Variants in SIK3 observed in about 807,000 individuals in gnomAD.
SIK3 encodes the protein serine/threonine-protein kinase SIK3.
SIK3 carries 28 observed loss-of-function variants against 144.2 expected under a neutral mutation model. The ratio of observed to expected loss-of-function variants is 0.19; its 90% CI spans 0.14 to 0.27. The LOEUF (loss-of-function observed/expected upper bound fraction) is 0.27, where lower values mean the gene tolerates loss of function less well. SIK3 is among the 10% of genes least tolerant of loss of function. The probability of loss-of-function intolerance (pLI) is 1.00; values close to 1 mark genes in which losing one functional copy is unlikely to be tolerated. For missense variants in SIK3, 1,319 were observed against 1,776.0 expected, an observed-to-expected ratio of 0.74 and a Z score of 4.62; for synonymous variants, 686 against 676.3, an observed-to-expected ratio of 1.01 and a Z score of -0.22.
chr11:117,014,659 T>G (rs1408308873), intron 1 of SIK3, among the ~76,000 whole-genome samples: 2 of 152,232 alleles, frequency 1.3e-5, no homozygotes, highest in African/African-American at 4.8e-5. Context: ...CAAATAAGAT[T>G]TGTATATATT....
chr11:116,858,486 C>T lies in SIK3; in HGVS notation c.2979G>A (p.Ser993=), dbSNP rs376833279. The change falls in exon 21 of 25, where the codon TCG becomes TCA. Residue 993 remains serine (S), a synonymous_variant. Coordinates refer to ENST00000445177, the MANE Select transcript of SIK3 (RefSeq NM_001366686.3). This position sits in a 1 kb window ranked among gnomAD's most constrained non-coding sequence, Gnocchi z 5.4. ...AHQQPPHYTT[S]ALQQALLSPT... The stretch of plus-strand genomic sequence containing the variant: ...GAGACAGCAGGGCCTGCTGTAGTGC[C>T]GACGTGGTATAGTGTGGCGGCTGCT... 1.0e-4 allele frequency: 167 copies of T among 1,607,244 alleles called. 1 individual carries two copies. Among genetic ancestry groups the T allele is most frequent in the East Asian group, 3.1e-4 (14 of 44,804 alleles).
intron 4 of SIK3, among the ~76,000 whole-genome samples, chr11:116,904,588 T>C (rs939075073): frequency 9.2e-5 from 14 of 152,348 alleles, no homozygotes; most frequent in Non-Finnish European, 1.3e-4. Flanking sequence ...TCCACTCATT[T>C]ACTGCTTTTA....
chr11:116,873,376 G>C, intron 13 of SIK3, 105 bp downstream of exon 13: 1 of 1,480,524 alleles, frequency 6.8e-7, no homozygotes, highest in East Asian at 2.3e-5. Context: ...TGGAGAAAAA[G>C]GAAATTCAGA....
chr11:117,023,058 C>T (rs1951841746), intron 1 of SIK3, among the ~76,000 whole-genome samples: 1 of 152,232 alleles, frequency 6.6e-6, no homozygotes, highest in South Asian at 2.1e-4. Context: ...TTGTAGAAAA[C>T]ACAAATGACA....
chr11:116,941,618 GT>G (rs1405018374), intron 3 of SIK3, among the ~76,000 whole-genome samples: 1 of 152,188 alleles, frequency 6.6e-6, no homozygotes, highest in Non-Finnish European at 1.5e-5. Flanking sequence ...GAATGGCTTT[GT>G]GAGAAGTTCA....
At chr11:116,850,154 T>C (rs757883419) in intron 21 of SIK3, among the ~76,000 whole-genome samples, 8 of 152,230 alleles carry the variant, frequency 5.3e-5, no homozygotes, top group Non-Finnish European at 8.8e-5. Context: ...GCCAATCTCA[T>C]GGAAACCTGA....
chr11:116,937,466 C>T (rs944685385), intron 3 of SIK3, among the ~76,000 whole-genome samples: 3 of 152,146 alleles, frequency 2.0e-5, no homozygotes, highest in Admixed American at 6.5e-5. Context: ...CAGTAGATTA[C>T]GGTACATAAT....
intron 1 of SIK3, among the ~76,000 whole-genome samples, chr11:117,083,938 T>A (rs1220848743): frequency 6.6e-6 from 1 of 152,190 alleles, no homozygotes; most frequent in Non-Finnish European, 1.5e-5. Flanking sequence ...TACCACTGAC[T>A]CATTACCAAA....
At chr11:116,947,138 T>A (rs982443984) in intron 3 of SIK3, among the ~76,000 whole-genome samples, 53 of 136,196 alleles carry the variant, frequency 3.9e-4, no homozygotes, top group African/African-American at 1.2e-3. Context: ...ATATATAAAT[T>A]ATTATTTATA....
chr11:117,063,434 A>G (rs1159981643), intron 1 of SIK3, among the ~76,000 whole-genome samples: 1 of 152,190 alleles, frequency 6.6e-6, no homozygotes, highest in Non-Finnish European at 1.5e-5. Context: ...ATGTAAAGTC[A>G]GCTGCCAGGC....
At chr11:117,006,603 A>T (rs1951056422) in intron 1 of SIK3, among the ~76,000 whole-genome samples, 1 of 152,166 alleles carries the variant, frequency 6.6e-6, no homozygotes. Context: ...TTGCAAACCC[A>T]AACAAACAAC....
chr11:117,052,951 T>C (rs181538268), intron 1 of SIK3, among the ~76,000 whole-genome samples: 1 of 152,218 alleles, frequency 6.6e-6, no homozygotes, highest in Admixed American at 6.5e-5. Flanking sequence ...GATTGTTTAC[T>C]GGGTCCCACT....
At chr11:116,932,084 T>C (rs1347248584) in intron 3 of SIK3, among the ~76,000 whole-genome samples, 2 of 152,180 alleles carry the variant, frequency 1.3e-5, no homozygotes, top group Non-Finnish European at 2.9e-5. Flanking sequence ...ATCCTATCCA[T>C]CAGCAAATTC....
intron 1 of SIK3, among the ~76,000 whole-genome samples, chr11:116,963,719 T>C (rs1949428557): frequency 6.6e-6 from 1 of 152,230 alleles, no homozygotes; most frequent in African/African-American, 2.4e-5. Flanking sequence ...AATAGTACCA[T>C]GTTTGGGAGA....
At chr11:116,857,663 C>T in intron 21 of SIK3, 147 bp downstream of exon 21, 2 of 1,383,846 alleles carry the variant, frequency 1.4e-6, no homozygotes, top group Non-Finnish European at 9.5e-7. Flanking sequence ...TACCCACTTC[C>T]TACATGCTTC....
At chr11:116,988,127 T>G (rs1374491511) in intron 1 of SIK3, among the ~76,000 whole-genome samples, 1 of 152,182 alleles carries the variant, frequency 6.6e-6, no homozygotes, top group African/African-American at 2.4e-5. Flanking sequence ...AAAAATGCAG[T>G]AACGCCTGTA....
intron 14 of SIK3, among the ~76,000 whole-genome samples, chr11:116,868,447 C>G (rs1414228150): frequency 6.6e-6 from 1 of 152,190 alleles, no homozygotes; most frequent in African/African-American, 2.4e-5. Flanking sequence ...TTCCAAAATA[C>G]AAGTCAGAGG....
chr11:116,947,184 A>ATATATAATATATAAATTATTTATATATT (rs1303411228), intron 3 of SIK3, among the ~76,000 whole-genome samples: 1 of 121,590 alleles, frequency 8.2e-6, no homozygotes, highest in African/African-American at 3.7e-5. Flanking sequence ...ATTTATATAT[A>ATATATAATATATAAATTATTTATATATT]ATATATTATA....
rs192901737 is a variant in SIK3, at chr11:116,847,559, A to G, written c.3869T>C (p.Leu1290Pro). ...TGCATCCGACATCCGGGCAGAGCTAAGTGCTTTCCCAGCCACGAGACTCAT... is the reference window on the plus strand; with the variant it reads ...TGCATCCGACATCCGGGCAGAGCTAGGTGCTTTCCCAGCCACGAGACTCAT... ...PGMSLVAGKA[L>P]SSARMSDAVL... The change falls in exon 23 of 25, where the codon CTT (leucine) becomes CCT (proline). Residue 1290 changes from leucine to proline, a missense_variant. Physicochemically the swap from Leu to Pro is moderately conservative, Grantham distance 98 (BLOSUM62 -3). Around this residue, in one of 8 missense-constraint regions of SIK3, gnomAD observed 646 missense variants for 763.7 expected, o/e 0.85. Coordinates refer to ENST00000445177, the MANE Select transcript of SIK3 (RefSeq NM_001366686.3). The G allele has an allele frequency of 6.2e-7, 1 of 1,614,210 alleles. No homozygotes were observed. Among genetic ancestry groups the G allele is most frequent in the Non-Finnish European group, 8.5e-7 (1 of 1,180,036 alleles).
Sources: gnomAD v4.1 joint callset for allele counts (sites outside exome capture counted in the v4.1 genomes callset) on GRCh38, gnomAD v4.1.1 for gene constraint, gnomAD v4.1.1 regional missense constraint, Gnocchi (gnomAD v3.1) non-coding constraint, MANE v1.5 for transcripts, NCBI Gene and HGNC (gene_info 2026-07-23, HGNC 2026-07-21) for gene names.